The following TMTC2 variants were observed in gnomAD, a reference collection of about 807,000 sequenced individuals.
The protein encoded by TMTC2 is protein O-mannosyl-transferase TMTC2.
A neutral mutation model predicts 82.4 loss-of-function variants in TMTC2; 43 were observed. The observed-to-expected ratio is 0.52, with a 90% CI of 0.41 to 0.67. The LOEUF (loss-of-function observed/expected upper bound fraction) is 0.67, where lower values mean the gene tolerates loss of function less well. Among genes scored for constraint, TMTC2 ranks in the 30% least tolerant of loss-of-function variants. TMTC2 has a pLI of 0.00. For missense variants in TMTC2, 919 were observed against 1,012.4 expected, an observed-to-expected ratio of 0.91 and a Z score of 1.25; for synonymous variants, 408 against 381.9, an observed-to-expected ratio of 1.07 and a Z score of -0.80.
chr12:82,896,359 C>G lies in TMTC2; in HGVS notation c.1196C>G (p.Ser399Cys), dbSNP rs2137181038. 1.2e-6 allele frequency: 2 copies of G among 1,614,102 alleles called. No individual in the cohort carries two copies. Among genetic ancestry groups the G allele is most frequent in the Non-Finnish European group, 1.7e-6 (2 of 1,180,024 alleles). Residue 399 changes from serine to cysteine, a missense_variant, in exon 3 of 12, where the codon TCT becomes TGT. Physicochemically the swap from Ser to Cys is moderately radical, Grantham distance 112. Coordinates refer to ENST00000321196, the MANE Select transcript of TMTC2 (RefSeq NM_152588.3). The part of the protein sequence containing the change: ...STENIVVLSL[S>C]LLIIPFVPAT... ...GAGAACATTGTTGTTCTGTCTTTATCTTTGTTAATCATACCCTTTGTTCCT... is the reference window on the plus strand; with the variant it reads ...GAGAACATTGTTGTTCTGTCTTTATGTTTGTTAATCATACCCTTTGTTCCT...
chr12:82,987,125 C>G (rs1295305584), intron 8 of TMTC2, among the ~76,000 whole-genome samples: 1 of 151,984 alleles, frequency 6.6e-6, no homozygotes, highest in Non-Finnish European at 1.5e-5. Flanking sequence ...TTATAATTGT[C>G]AAATATCCAT....
intron 8 of TMTC2, among the ~76,000 whole-genome samples, chr12:83,021,577 AGAGT>A (rs1347586323): frequency 6.8e-6 from 1 of 146,866 alleles, no homozygotes; most frequent in African/African-American, 2.5e-5. Context: ...CCTAGGCAAC[AGAGT>A]GAGACCCCAT....
intron 4 of TMTC2, among the ~76,000 whole-genome samples, chr12:82,953,454 TC>T (rs1877453906): frequency 6.6e-6 from 1 of 152,246 alleles, no homozygotes; most frequent in Non-Finnish European, 1.5e-5. Context: ...GAATTTTGAC[TC>T]ATATCTATTT....
At chr12:82,806,603 C>T (rs1020398650) in intron 1 of TMTC2, among the ~76,000 whole-genome samples, 11 of 152,056 alleles carry the variant, frequency 7.2e-5, no homozygotes, top group African/African-American at 1.7e-4. Flanking sequence ...ATTGACTATA[C>T]GCCTTACCAA....
intron 11 of TMTC2, among the ~76,000 whole-genome samples, chr12:83,121,998 C>T (rs1884963297): frequency 6.6e-6 from 1 of 152,120 alleles, no homozygotes; most frequent in African/African-American, 2.4e-5. Flanking sequence ...CTGACTCCCA[C>T]CATGCCCCCA....
At chr12:82,911,807 G>T (rs1388227013) in intron 3 of TMTC2, among the ~76,000 whole-genome samples, 1 of 151,864 alleles carries the variant, frequency 6.6e-6, no homozygotes, top group Non-Finnish European at 1.5e-5. Flanking sequence ...ATGGGGTTTT[G>T]CCATGTTTGC....
At chr12:82,917,762 C>T (rs989563131) in intron 3 of TMTC2, among the ~76,000 whole-genome samples, 7 of 151,762 alleles carry the variant, frequency 4.6e-5, no homozygotes, top group South Asian at 2.1e-4. Flanking sequence ...CCACCAGGCC[C>T]GGCTAATTTT....
chr12:83,045,641 C>T (rs1882070711), intron 9 of TMTC2, among the ~76,000 whole-genome samples: 2 of 147,908 alleles, frequency 1.4e-5, no homozygotes, highest in Middle Eastern at 3.5e-3. Context: ...GTCATTATGC[C>T]CCATAATTAG....
At chr12:82,987,630 C>T (rs1429452441) in intron 8 of TMTC2, among the ~76,000 whole-genome samples, 7 of 151,858 alleles carry the variant, frequency 4.6e-5, no homozygotes, top group Admixed American at 4.6e-4. Flanking sequence ...GCAGGCAGGT[C>T]CTGCAGCTCA....
At chr12:82,798,077 T>C (rs1482706305) in intron 1 of TMTC2, among the ~76,000 whole-genome samples, 1 of 150,210 alleles carries the variant, frequency 6.7e-6, no homozygotes, top group Non-Finnish European at 1.5e-5. Flanking sequence ...TGCCTCAGGC[T>C]CCTGAGTAGC....
At chr12:82,833,780 T>C (rs1869879697) in intron 1 of TMTC2, among the ~76,000 whole-genome samples, 1 of 152,168 alleles carries the variant, frequency 6.6e-6, no homozygotes, top group Admixed American at 6.5e-5. Context: ...GAATAATTGG[T>C]TTCCAAAACG....
At chr12:82,824,919 T>C (rs1258008062) in intron 1 of TMTC2, among the ~76,000 whole-genome samples, 10 of 152,008 alleles carry the variant, frequency 6.6e-5, no homozygotes, top group Admixed American at 5.9e-4. Context: ...TGAAACCCCG[T>C]ATCTACTAAA....
intron 2 of TMTC2, among the ~76,000 whole-genome samples, chr12:82,866,375 T>A (rs1871863625): frequency 6.6e-6 from 1 of 152,144 alleles, no homozygotes; most frequent in Non-Finnish European, 1.5e-5. Flanking sequence ...GACTGTTTCA[T>A]ACAGGAAGAT....
intron 1 of TMTC2, among the ~76,000 whole-genome samples, chr12:82,751,912 A>G (rs548927792): frequency 9.6e-4 from 146 of 152,252 alleles, no homozygotes; most frequent in African/African-American, 3.3e-3. Context: ...AAGTATTTAT[A>G]AAAGGAGTGT....
chr12:82,840,735 C>G (rs1012580080), intron 1 of TMTC2, among the ~76,000 whole-genome samples: 2 of 152,156 alleles, frequency 1.3e-5, no homozygotes, highest in African/African-American at 4.8e-5. Flanking sequence ...CAGCAAAAGG[C>G]TAAACTATAC....
intron 7 of TMTC2, among the ~76,000 whole-genome samples, chr12:82,975,622 AGC>A (rs1878631831): frequency 6.6e-6 from 1 of 152,200 alleles, no homozygotes; most frequent in Non-Finnish European, 1.5e-5. Flanking sequence ...ACATTAATAT[AGC>A]AATTTATAAT....
chr12:82,789,687 A>G (rs1023632928), intron 1 of TMTC2, among the ~76,000 whole-genome samples: 2 of 152,190 alleles, frequency 1.3e-5, no homozygotes, highest in Non-Finnish European at 2.9e-5. Flanking sequence ...TATTAATACT[A>G]TAGGAAGAAT....
chr12:82,755,556 G>A (rs1188461681), intron 1 of TMTC2, among the ~76,000 whole-genome samples: 2 of 152,098 alleles, frequency 1.3e-5, no homozygotes, highest in Admixed American at 6.5e-5. Context: ...CCAATAATAA[G>A]CAAGATCACC....
At chr12:82,947,892 C>G (rs1397116557) in intron 4 of TMTC2, among the ~76,000 whole-genome samples, 3 of 152,098 alleles carry the variant, frequency 2.0e-5, no homozygotes, top group Non-Finnish European at 4.4e-5. Context: ...GTCAACGTCT[C>G]TCAGCCCTTT....
Sources: allele counts gnomAD v4.1 joint callset (sites outside exome capture counted in the v4.1 genomes callset), GRCh38; gene constraint gnomAD v4.1.1; transcripts MANE v1.5; gene names NCBI Gene and HGNC (gene_info 2026-07-23, HGNC 2026-07-21).